Variants in LIPH observed in about 807,000 individuals in gnomAD.
The protein encoded by LIPH is lipase H, also known as lipase member H.
Under a neutral mutation model 47.6 loss-of-function variants are expected in LIPH, and 32 were observed. That is an observed-to-expected ratio of 0.67 (90% confidence interval 0.51 to 0.90). The LOEUF is 0.90. LIPH is among the 40% of genes least tolerant of loss of function. LIPH has a pLI of 0.00. For missense variants in LIPH, 497 were observed against 541.4 expected, an observed-to-expected ratio of 0.92 and a Z score of 0.81; for synonymous variants, 190 against 195.6, an observed-to-expected ratio of 0.97 and a Z score of 0.24.
Position 185,552,552 on chromosome 3 carries a change from T to G in LIPH, c.-81A>C. ...GCTTAAGAGTTTCCACTGTGGGATT[T>G]TGCTCACAGTGAGCTCAGACGACTC... On this transcript the variant is annotated 5_prime_UTR_variant, in exon 1 of 10. Transcript: ENST00000296252. 6 of 1,016,606 alleles carry G rather than the reference T, an allele frequency of 5.9e-6. No homozygotes were observed. The highest frequency in any genetic ancestry group is 9.4e-6 in the Non-Finnish European group (6 of 637,418). The allele number at this position is 1,016,606 out of a possible 1,614,324, so 63.0% of individuals were successfully genotyped here.
intron 7 of LIPH, among the ~76,000 whole-genome samples, chr3:185,516,619 T>G (rs1489851020): frequency 6.6e-6 from 1 of 152,192 alleles, no homozygotes; most frequent in Non-Finnish European, 1.5e-5. Context: ...GTCATCATGT[T>G]TGCTTTAGAG....
rs540180409 is a variant in LIPH at position 185,522,612 on chromosome 3, GGA to G, written c.718+1457_718+1458del. 5.7e-3 allele frequency among the ~76,000 whole-genome samples: 626 copies of G among 110,046 alleles called. 1 individual carries two copies. The highest frequency in any genetic ancestry group is 0.011 in the Non-Finnish European group (520 of 48,406). The allele number at this position is 110,046 out of a possible 152,430, so 72.2% of individuals were successfully genotyped here. A position where few individuals can be genotyped will look rare whatever the true frequency, so the allele number is the denominator to read the frequency against. ...GAGAGAGAAAAAAGAAGGAAGGGAG[GGA>G]GAGAGAAAGAAAGAAGGAAAAGAAA... On this transcript the variant is annotated intron_variant, in intron 5 of 9. Transcript: ENST00000296252.
intron 1 of LIPH, among the ~76,000 whole-genome samples, chr3:185,549,867 T>A (rs552215041): frequency 1.3e-5 from 2 of 152,210 alleles, no homozygotes; most frequent in South Asian, 2.1e-4. Flanking sequence ...ACCAAAAAAA[T>A]TTTTTAAGAT....
intron 8 of LIPH, among the ~76,000 whole-genome samples, chr3:185,513,576 T>C (rs1719635506): frequency 6.6e-6 from 1 of 152,174 alleles, no homozygotes; most frequent in African/African-American, 2.4e-5. Flanking sequence ...ACTCCACTTC[T>C]GGATACAAGT....
chr3:185,533,822 G>A, intron 2 of LIPH, 143 bp from the exon 3 acceptor site: 2 of 640,754 alleles, frequency 3.1e-6, no homozygotes, highest in Admixed American at 5.3e-5. Flanking sequence ...CAACATCCAT[G>A]CAAAGTAAAT....
intron 6 of LIPH, among the ~76,000 whole-genome samples, 156 bp from the exon 7 acceptor site, chr3:185,517,318 C>T (rs2148949183): frequency 1.3e-5 from 2 of 152,290 alleles, no homozygotes; most frequent in South Asian, 4.1e-4. Context: ...TGCAGGGTGA[C>T]CCATCTTGCT....
rs1720026185 is a variant in LIPH at position 185,525,058 on chromosome 3, T to C, written c.629-898A>G. Among the ~76,000 whole-genome samples, 4 of 151,248 alleles carry C rather than the reference T, an allele frequency of 2.6e-5. No individual in the cohort carries two copies. The South Asian group carries it at 8.4e-4, about 32-fold the overall frequency. On this transcript the variant is annotated intron_variant, in intron 4 of 9. Coordinates refer to ENST00000296252, the MANE Select transcript of LIPH (RefSeq NM_139248.3). ...GGCGAAACCCCGTCTCTACAAAATA[T>C]ACAAAAATTAGCCAGGCATTGTGGT...
chr3:185,528,946 G>A (rs1334537480), intron 3 of LIPH, among the ~76,000 whole-genome samples: 3 of 149,334 alleles, frequency 2.0e-5, no homozygotes, highest in African/African-American at 5.0e-5. Flanking sequence ...GGCGGATCAC[G>A]AGGACAGGAG....
At chr3:185,546,352 C>CAA (rs56984831) in intron 1 of LIPH, among the ~76,000 whole-genome samples, 2 of 60,534 alleles carry the variant, frequency 3.3e-5, no homozygotes, top group South Asian at 5.4e-4. Flanking sequence ...GACTCCGTCT[C>CAA]AAAAAAAAAA....
chr3:185,524,307 C>G (rs1290477638), intron 4 of LIPH, 147 bp from the exon 5 acceptor site: 13 of 650,834 alleles, frequency 2.0e-5, no homozygotes, highest in South Asian at 1.0e-4. Context: ...CCCAAAGTCA[C>G]CCAGCTAGTT....
Position 185,543,779 on chromosome 3 carries a change from A to G in LIPH, c.49+8644T>C, listed in dbSNP as rs1000663963. Among the ~76,000 whole-genome samples the G allele has an allele frequency of 3.3e-5, 5 of 151,414 alleles. No homozygotes were observed. In the South Asian group the frequency reaches 6.2e-4, roughly 19 times the overall value. On this transcript the variant is annotated intron_variant, in intron 1 of 9. Coordinates refer to ENST00000296252, the MANE Select transcript of LIPH (RefSeq NM_139248.3). ...TTATGTAGTTTTAGTTCTATAAAGT[A>G]CATGTCCATTGCTCACTGAGTCCTT...
chr3:185,532,791 AAAAT>A (rs1720374697), intron 3 of LIPH, among the ~76,000 whole-genome samples: 1 of 152,082 alleles, frequency 6.6e-6, no homozygotes, highest in South Asian at 2.1e-4. Flanking sequence ...CTCTTTCTCA[AAAAT>A]AAATAAATAA....
intron 7 of LIPH, among the ~76,000 whole-genome samples, chr3:185,516,528 C>G (rs970477290): frequency 3.3e-5 from 5 of 152,184 alleles, no homozygotes; most frequent in African/African-American, 1.2e-4. Flanking sequence ...CAAGGAAATT[C>G]TAGTTGCTTC....
At chr3:185,545,605 G>A (rs1233533939) in intron 1 of LIPH, among the ~76,000 whole-genome samples, 1 of 152,166 alleles carries the variant, frequency 6.6e-6, no homozygotes, top group Non-Finnish European at 1.5e-5. Flanking sequence ...ACAAATACAG[G>A]CCAAGTGCGG....
intron 6 of LIPH, 44 bp from the exon 7 acceptor site, chr3:185,517,206 A>G: frequency 9.3e-7 from 1 of 1,078,420 alleles, no homozygotes; most frequent in Non-Finnish European, 1.4e-6. Flanking sequence ...TATGTATTAT[A>G]CAAACATAAA....
At chr3:185,533,397 T>C (rs1435450267) in intron 3 of LIPH, among the ~76,000 whole-genome samples, 174 bp downstream of exon 3, 1 of 152,224 alleles carries the variant, frequency 6.6e-6, no homozygotes, top group African/African-American at 2.4e-5. Flanking sequence ...TATTACATAA[T>C]AGCCTGAGGT....
chr3:185,507,003 T>A lies in LIPH; in HGVS notation c.*1787A>T, dbSNP rs1719397650. ...ACTTAAATAAAACAGACTCTGTATT[T>A]GCTGCAAATGTAAATCTGTAAGAAG... On this transcript the variant is annotated 3_prime_UTR_variant, in exon 10 of 10. Transcript: ENST00000296252. 6.6e-6 allele frequency: 1 copy of A among 152,138 alleles called. No homozygotes were observed. Among genetic ancestry groups the A allele is most frequent in the Admixed American group, 6.6e-5 (1 of 15,258 alleles). 9.4% of individuals were successfully genotyped at this position (152,138 alleles called of 1,614,324 possible).
At chr3:185,551,993 T>A (rs1442239444) in intron 1 of LIPH, among the ~76,000 whole-genome samples, 1 of 152,006 alleles carries the variant, frequency 6.6e-6, no homozygotes, top group Non-Finnish European at 1.5e-5. Flanking sequence ...TCTCAATGCA[T>A]GAAAATATAA....
At chr3:185,513,649 A>T (rs1719637507) in intron 8 of LIPH, among the ~76,000 whole-genome samples, 1 of 152,220 alleles carries the variant, frequency 6.6e-6, no homozygotes, top group African/African-American at 2.4e-5. Context: ...AGCACTAGTC[A>T]CAATAGCCAA....
Sources: gnomAD v4.1 joint callset for allele counts (sites outside exome capture counted in the v4.1 genomes callset) on GRCh38, gnomAD v4.1.1 for gene constraint, MANE v1.5 for transcripts, NCBI Gene and HGNC (gene_info 2026-07-23, HGNC 2026-07-21) for gene names.